Variants in SLC35A1 observed in about 807,000 individuals in gnomAD.
SLC35A1 encodes CMP-sialic acid transporter.
SLC35A1 carries 21 observed loss-of-function variants against 40.3 expected under a neutral mutation model. That is an observed-to-expected ratio of 0.52 (90% CI 0.37 to 0.75). The LOEUF (loss-of-function observed/expected upper bound fraction) is 0.75, where lower values mean the gene tolerates loss of function less well. SLC35A1 is among the 30% of genes least tolerant of loss of function. SLC35A1 has a pLI of 0.00. For synonymous variants in SLC35A1, 146 were observed against 147.3 expected (o/e 0.99, Z 0.06); for missense variants, 297 against 382.1 (o/e 0.78, Z 1.86).
At chr6:87,485,444 TC>T (rs1769365919) in intron 2 of SLC35A1, among the ~76,000 whole-genome samples, 1 of 152,162 alleles carries the variant, frequency 6.6e-6, no homozygotes, top group Admixed American at 6.5e-5. Context: ...ACTTGAACTT[TC>T]TCTTCAGAGG....
chr6:87,492,677 AG>A (rs1769589903), intron 2 of SLC35A1, among the ~76,000 whole-genome samples: 1 of 151,338 alleles, frequency 6.6e-6, no homozygotes, highest in African/African-American at 2.4e-5. Context: ...CCTCCCAAGT[AG>A]GATTGGGATT....
intron 2 of SLC35A1, among the ~76,000 whole-genome samples, chr6:87,489,431 G>A (rs528392287): frequency 5.9e-5 from 9 of 152,006 alleles, no homozygotes; most frequent in South Asian, 4.2e-4. Context: ...CTCTTCACAC[G>A]TGTCCACCTC....
intron 1 of SLC35A1, among the ~76,000 whole-genome samples, chr6:87,474,254 C>G (rs552884046): frequency 4.6e-5 from 7 of 152,322 alleles, no homozygotes; most frequent in Admixed American, 1.3e-4. Context: ...GTAATCCTAA[C>G]AAAACTACAG....
chr6:87,488,501 A>T (rs1420622927), intron 2 of SLC35A1: 1 of 152,238 alleles, frequency 6.6e-6, no homozygotes, highest in Non-Finnish European at 1.5e-5. Flanking sequence ...AGAAGATAGC[A>T]TGGCCCCTGT....
At chr6:87,490,708 T>C (rs910044566) in intron 2 of SLC35A1, among the ~76,000 whole-genome samples, 1 of 152,118 alleles carries the variant, frequency 6.6e-6, no homozygotes. Flanking sequence ...GCAAAAAATA[T>C]GAGGAAAGCA....
In SLC35A1 at chr6:87,511,464, C is replaced by G. The variant is rs758888146; in HGVS notation, c.952C>G (p.Gln318Glu). ...VSIYLYGLPR[Q>E]DTTSIQQGET... Reference sequence around the variant, plus strand: ...CATATATCTCTATGGATTACCCAGACAAGACACTACATCCATCCAACAAGG... The same window carrying G: ...CATATATCTCTATGGATTACCCAGAGAAGACACTACATCCATCCAACAAGG... Residue 318 changes from glutamine (Q) to glutamate (E), a missense_variant, in exon 8 of 8, where the codon CAA (glutamine) becomes GAA (glutamate). Coordinates refer to ENST00000369552, the MANE Select transcript of SLC35A1 (RefSeq NM_006416.5). 6 of 1,613,570 alleles carry G rather than the reference C, an allele frequency of 3.7e-6. No individual in the cohort carries two copies. The East Asian group carries it at 1.3e-4, about 36-fold the overall frequency.
At chr6:87,487,942 GAAT>G (rs753268305) in intron 2 of SLC35A1, 4 of 152,110 alleles carry the variant, frequency 2.6e-5, no homozygotes, top group Non-Finnish European at 4.4e-5. Flanking sequence ...TACAGTCCAT[GAAT>G]AATAATAATC....
chr6:87,501,167 C>T lies in SLC35A1; in HGVS notation c.364C>T (p.Gln122Ter). Residue 122 changes from glutamine (Q) to a stop codon, truncating the protein, a stop_gained, in exon 4 of 8, where the codon CAG (glutamine) becomes TAG (stop). Transcript: ENST00000369552. LOFTEE classifies it high-confidence loss of function. ...ATTCTCTTTTTTTTAGGTGACCTAC[C>T]AGTTGAAGATTCCGTGTACTGCTTT... ...LDAAVYQVTY[Q>*]LKIPCTALCT... 6.2e-7 allele frequency: 1 copy of T among 1,612,662 alleles called. No homozygotes were observed. Among genetic ancestry groups the T allele is most frequent in the Non-Finnish European group, 8.5e-7 (1 of 1,178,932 alleles).
At chr6:87,482,788 C>T (rs546770771) in intron 2 of SLC35A1, among the ~76,000 whole-genome samples, 1 of 152,236 alleles carries the variant, frequency 6.6e-6, no homozygotes, top group South Asian at 2.1e-4. Flanking sequence ...ACAGAATAGC[C>T]CCATACTTTA....
intron 1 of SLC35A1, among the ~76,000 whole-genome samples, chr6:87,477,051 A>G (rs1769096314): frequency 1.3e-5 from 2 of 152,090 alleles, no homozygotes; most frequent in African/African-American, 4.8e-5. Flanking sequence ...CAATATATAT[A>G]TAATGTAATT....
intron 2 of SLC35A1, chr6:87,499,175 A>G (rs1769836544): frequency 1.1e-6 from 1 of 921,466 alleles, no homozygotes; most frequent in Non-Finnish European, 1.3e-6. Context: ...AGGTTAGTCA[A>G]TTTAATATAA....
Position 87,477,464 on chromosome 6 carries a change from A to G in SLC35A1, c.119A>G (p.Glu40Gly). 6.2e-7 allele frequency: 1 copy of G among 1,614,074 alleles called. No individual in the cohort carries two copies. The highest frequency in any genetic ancestry group is 1.1e-5 in the South Asian group (1 of 91,082). Reference protein sequence around the residue: ...ALRYTRTSDKELYFSTTAVCI... With the variant: ...ALRYTRTSDKGLYFSTTAVCI... Reference sequence around the variant, plus strand: ...AGATACACAAGGACATCAGACAAAGAACTCTACTTTTCAACCACAGCCGTG... The same window carrying G: ...AGATACACAAGGACATCAGACAAAGGACTCTACTTTTCAACCACAGCCGTG... The change falls in exon 2 of 8, where the codon GAA becomes GGA. Residue 40 changes from glutamate (E) to glycine (G), a missense_variant. Physicochemically the swap from Glu to Gly is moderately conservative, Grantham distance 98 (BLOSUM62 -2). Transcript: ENST00000369552.
At chr6:87,474,625 T>G (rs1769016617) in intron 1 of SLC35A1, among the ~76,000 whole-genome samples, 1 of 152,230 alleles carries the variant, frequency 6.6e-6, no homozygotes, top group Non-Finnish European at 1.5e-5. Context: ...ACTGAAGTTT[T>G]ATACTGGAGA....
At chr6:87,510,799 A>G (rs1228141483) in intron 7 of SLC35A1, among the ~76,000 whole-genome samples, 1 of 151,754 alleles carries the variant, frequency 6.6e-6, no homozygotes, top group Non-Finnish European at 1.5e-5. Context: ...TGGACCTGGG[A>G]GGCAGAGGTT....
At chr6:87,504,828 CCAG>C (rs1176414793) in intron 4 of SLC35A1, among the ~76,000 whole-genome samples, 5 of 152,170 alleles carry the variant, frequency 3.3e-5, no homozygotes, top group Non-Finnish European at 7.3e-5. Context: ...TTGGAGCTTC[CCAG>C]CAGATGTTGG....
At chr6:87,477,014 G>C (rs1654540812) in intron 1 of SLC35A1, among the ~76,000 whole-genome samples, 1 of 152,038 alleles carries the variant, frequency 6.6e-6, no homozygotes, top group South Asian at 2.1e-4. Flanking sequence ...GTGAGACCTT[G>C]TCTCCAAAAA....
At chr6:87,476,095 C>T (rs1382418241) in intron 1 of SLC35A1, among the ~76,000 whole-genome samples, 1 of 152,142 alleles carries the variant, frequency 6.6e-6, no homozygotes, top group African/African-American at 2.4e-5. Context: ...ATGGTTTTAC[C>T]AAAGGTCTTG....
chr6:87,501,366 T>G (rs1769919223), intron 4 of SLC35A1, 56 bp downstream of exon 4: 1 of 1,534,284 alleles, frequency 6.5e-7, no homozygotes, highest in African/African-American at 1.4e-5. Context: ...TCCTTAAGTC[T>G]TATACTGTTC....
chr6:87,500,477 AC>A (rs1769883992), intron 2 of SLC35A1, 30 bp from the exon 3 acceptor site: 1 of 1,610,914 alleles, frequency 6.2e-7, no homozygotes, highest in Non-Finnish European at 8.5e-7. Context: ...CTTCCTTACC[AC>A]CCTCTCATCT....
Sources: allele counts gnomAD v4.1 joint callset (sites outside exome capture counted in the v4.1 genomes callset), GRCh38; gene constraint gnomAD v4.1.1; transcripts MANE v1.5; gene names NCBI Gene and HGNC (gene_info 2026-07-23, HGNC 2026-07-21).